Variants in PIAS2 observed in about 807,000 individuals in gnomAD.
PIAS2 encodes E3 SUMO-protein ligase PIAS2.
Under a neutral mutation model 69.7 loss-of-function variants are expected in PIAS2, and 19 were observed. The ratio of observed to expected loss-of-function variants is 0.27; its 90% confidence interval spans 0.19 to 0.40. The LOEUF (loss-of-function observed/expected upper bound fraction) is 0.40, where lower values mean the gene tolerates loss of function less well. Among genes scored for constraint, PIAS2 ranks in the 10% least tolerant of loss-of-function variants. PIAS2 has a pLI of 1.00. For synonymous variants in PIAS2, 261 were observed against 263.2 expected (o/e 0.99, Z 0.08); for missense variants, 624 against 757.0 (o/e 0.82, Z 2.06).
At chr18:46,884,368 A>C (rs188434943) in intron 2 of PIAS2, among the ~76,000 whole-genome samples, 1,977 of 151,938 alleles carry the variant, frequency 0.013, 138 homozygotes, top group Admixed American at 0.12. Flanking sequence ...GCCAGAGTGC[A>C]GTGGCTCGAT....
chr18:46,886,795 G>A (rs901910469), intron 2 of PIAS2, among the ~76,000 whole-genome samples: 19 of 151,834 alleles, frequency 1.3e-4, no homozygotes, highest in African/African-American at 2.4e-4. Flanking sequence ...CCGAGACAGC[G>A]CCACCGCCCT....
chr18:46,872,202 T>C (rs1259744985), intron 2 of PIAS2, among the ~76,000 whole-genome samples: 1 of 152,194 alleles, frequency 6.6e-6, no homozygotes, highest in Admixed American at 6.5e-5. Flanking sequence ...CCAGAGCTAT[T>C]AACTAAACAG....
At chr18:46,880,292 G>C (rs570660659) in intron 2 of PIAS2, among the ~76,000 whole-genome samples, 6 of 152,088 alleles carry the variant, frequency 3.9e-5, no homozygotes, top group Non-Finnish European at 8.8e-5. Flanking sequence ...CAGCTACTTA[G>C]GAGGATCACT....
chr18:46,818,357 T>G (rs1452712113), intron 12 of PIAS2: 1 of 1,522,278 alleles, frequency 6.6e-7, no homozygotes, highest in African/African-American at 1.4e-5. Flanking sequence ...TAAATACAAA[T>G]TATTTGTTTT....
intron 2 of PIAS2, among the ~76,000 whole-genome samples, chr18:46,886,608 CG>C (rs2053230548): frequency 6.6e-6 from 1 of 152,120 alleles, no homozygotes; most frequent in African/African-American, 2.4e-5. Context: ...GAGGCCAAGG[CG>C]GGTGGATCAC....
At chr18:46,897,792 C>T (rs1225894262) in intron 1 of PIAS2, among the ~76,000 whole-genome samples, 1 of 151,866 alleles carries the variant, frequency 6.6e-6, no homozygotes, top group Non-Finnish European at 1.5e-5. Flanking sequence ...AATCACAAAG[C>T]TAAGACTTCT....
intron 2 of PIAS2, among the ~76,000 whole-genome samples, chr18:46,875,086 T>C (rs934289273): frequency 6.6e-6 from 1 of 152,220 alleles, no homozygotes; most frequent in African/African-American, 2.4e-5. Flanking sequence ...GAAGGTCACC[T>C]TGTCATCTAT....
At chr18:46,910,782 A>C (rs1352790206) in intron 1 of PIAS2, among the ~76,000 whole-genome samples, 2 of 152,238 alleles carry the variant, frequency 1.3e-5, no homozygotes, top group Non-Finnish European at 2.9e-5. Context: ...TAGCACACCA[A>C]GTATTTTAGA....
intron 1 of PIAS2, among the ~76,000 whole-genome samples, chr18:46,914,549 A>C (rs2057597434): frequency 6.6e-6 from 1 of 150,652 alleles, no homozygotes; most frequent in African/African-American, 2.4e-5. Context: ...CTAATCGAAT[A>C]ACCAACCCTC....
chr18:46,828,159 A>G (rs2043080405), intron 10 of PIAS2, 29 bp from the exon 11 acceptor site: 3 of 1,573,506 alleles, frequency 1.9e-6, no homozygotes, highest in Non-Finnish European at 2.6e-6. Flanking sequence ...AAGGAAAAAA[A>G]AATTAAAGGT....
intron 13 of PIAS2, among the ~76,000 whole-genome samples, chr18:46,814,110 C>A (rs115782618): frequency 6.6e-6 from 1 of 152,076 alleles, no homozygotes; most frequent in African/African-American, 2.4e-5. Context: ...AGGCTCTGTG[C>A]GTTGAATTCT....
At chr18:46,916,796 G>C in intron 1 of PIAS2, 4 of 984,788 alleles carry the variant, frequency 4.1e-6, no homozygotes, top group African/African-American at 1.7e-5. Context: ...TAGGAGGCAA[G>C]GGTGGGAGAA....
intron 2 of PIAS2, among the ~76,000 whole-genome samples, chr18:46,876,302 C>T (rs958103845): frequency 6.6e-6 from 1 of 152,140 alleles, no homozygotes; most frequent in South Asian, 2.1e-4. Context: ...ACTGGAGTCC[C>T]GAGAGGAGTG....
chr18:46,855,980 TTTTTTC>T (rs1400930187), intron 3 of PIAS2, among the ~76,000 whole-genome samples: 3 of 149,354 alleles, frequency 2.0e-5, no homozygotes, highest in Admixed American at 6.8e-5. Context: ...ACTTGAAGAC[TTTTTTC>T]TTTTTCTTTT....
intron 2 of PIAS2, among the ~76,000 whole-genome samples, chr18:46,867,738 T>G (rs1209262766): frequency 1.3e-5 from 2 of 152,240 alleles, no homozygotes; most frequent in Non-Finnish European, 2.9e-5. Flanking sequence ...CTCCTTTTTA[T>G]GTAAACTTGA....
At chr18:46,877,913 A>G (rs1287484260) in intron 2 of PIAS2, among the ~76,000 whole-genome samples, 2 of 152,216 alleles carry the variant, frequency 1.3e-5, no homozygotes, top group East Asian at 3.8e-4. Flanking sequence ...ATGTTTTGGA[A>G]GACTATATTA....
At chr18:46,888,947 A>G (rs911654924) in intron 2 of PIAS2, among the ~76,000 whole-genome samples, 1 of 152,216 alleles carries the variant, frequency 6.6e-6, no homozygotes, top group African/African-American at 2.4e-5. Flanking sequence ...ACATGGTCAA[A>G]TACTTTTTGA....
chr18:46,893,437 T>C (rs927039842), intron 1 of PIAS2: 17 of 977,834 alleles, frequency 1.7e-5, no homozygotes, highest in Non-Finnish European at 1.9e-5. Flanking sequence ...CTACCTAAGC[T>C]TGACTCTCAG....
chr18:46,875,811 C>G (rs1262937620), intron 2 of PIAS2, among the ~76,000 whole-genome samples: 1 of 152,244 alleles, frequency 6.6e-6, no homozygotes, highest in Non-Finnish European at 1.5e-5. Context: ...GAGGCCCAGA[C>G]TGTCCCCTTT....
Sources: allele counts gnomAD v4.1 joint callset (sites outside exome capture counted in the v4.1 genomes callset), GRCh38; gene constraint gnomAD v4.1.1; transcripts MANE v1.5; gene names NCBI Gene and HGNC (gene_info 2026-07-23, HGNC 2026-07-21).